Variants in ZNF433 observed in about 807,000 individuals in gnomAD.
ZNF433 encodes the protein zinc finger protein 433.
A neutral mutation model predicts 10.6 loss-of-function variants in ZNF433; 12 were observed. The ratio of observed to expected loss-of-function variants is 1.13; its 90% CI spans 0.72 to 1.83. The LOEUF (loss-of-function observed/expected upper bound fraction) is 1.83. ZNF433 is among the 40% of genes most tolerant of loss of function. The pLI is 0.00. For synonymous variants in ZNF433, 272 were observed against 271.3 expected (o/e 1.00, Z -0.02); for missense variants, 737 against 798.0 (o/e 0.92, Z 0.92).
intron 1 of ZNF433, 100 bp from the exon 2 acceptor site, chr19:12,018,392 A>C: frequency 7.2e-7 from 1 of 1,386,232 alleles, no homozygotes; most frequent in Non-Finnish European, 9.6e-7. Flanking sequence ...TGTGGACTCA[A>C]AACAATTATT....
intron 1 of ZNF433, chr19:12,025,998 A>C (rs1285518434): frequency 6.6e-6 from 1 of 152,398 alleles, no homozygotes; most frequent in African/African-American, 2.4e-5. Context: ...TATGCAACTG[A>C]ATCTAGAATT....
chr19:12,017,945 C>A lies in ZNF433; in HGVS notation c.131-9G>T. 6.4e-7 allele frequency: 1 copy of A among 1,565,216 alleles called. No homozygotes were observed. Among genetic ancestry groups the A allele is most frequent in the Non-Finnish European group, 8.6e-7 (1 of 1,158,652 alleles). Reference sequence around the variant, plus strand: ...GGGTTTCCATTTTTTCCCTACAACACACAACAAGGAAAATAATCTTGAATT... The same window carrying A: ...GGGTTTCCATTTTTTCCCTACAACAAACAACAAGGAAAATAATCTTGAATT... On this transcript the variant is annotated splice_polypyrimidine_tract_variant and intron_variant, in intron 2 of 3. Transcript: ENST00000550507.
chr19:12,016,408 A>G lies in ZNF433; in HGVS notation c.450T>C (p.Cys150=), dbSNP rs367931065. Residue 150 remains cysteine (C), a synonymous_variant, in exon 4 of 4, where the codon TGT becomes TGC. Coordinates refer to ENST00000550507, the MANE Select transcript of ZNF433 (RefSeq NM_001308348.2). The part of the protein sequence containing the change: ...KCKYCKKPFN[C]LSSVQTHERA... Reference sequence around the variant, plus strand: ...TTTCATGTGTCTGAACAGAGGAGAGACAGTTGAAAGGTTTTTTACAGTATT... The same window carrying G: ...TTTCATGTGTCTGAACAGAGGAGAGGCAGTTGAAAGGTTTTTTACAGTATT... 937 of 1,614,100 alleles carry G rather than the reference A, an allele frequency of 5.8e-4. 8 individuals carry two copies. The Middle Eastern group carries it at 0.018, about 32-fold the overall frequency.
At chr19:12,018,550 C>G (rs1005154780) in intron 1 of ZNF433, 6 of 300,476 alleles carry the variant, frequency 2.0e-5, no homozygotes, top group Non-Finnish European at 3.6e-5. Context: ...GCTGCCTGGG[C>G]TGCCCCTAAT....
At chr19:12,033,918 A>G (rs1252533876) in intron 1 of ZNF433, among the ~76,000 whole-genome samples, 1 of 152,240 alleles carries the variant, frequency 6.6e-6, no homozygotes, top group African/African-American at 2.4e-5. Flanking sequence ...AAATTTTAGT[A>G]TTGTACTGCA....
Position 12,017,908 on chromosome 19 carries a change from A to G in ZNF433, c.159T>C (p.Tyr53=), listed in dbSNP as rs1249591645. ...IGKKWKPQNI[Y]VEYENLRRNL... is the part of the protein sequence containing the mutation. ...TTCTCCTTAGATTTTCGTACTCTACATATATGTTCTGGGGTTTCCATTTTT... is the reference window on the plus strand; with the variant it reads ...TTCTCCTTAGATTTTCGTACTCTACGTATATGTTCTGGGGTTTCCATTTTT... The change falls in exon 3 of 4, where the codon TAT becomes TAC. Residue 53 remains tyrosine (Y), a synonymous_variant. Coordinates refer to ENST00000550507, the MANE Select transcript of ZNF433 (RefSeq NM_001308348.2). 6.3e-7 allele frequency: 1 copy of G among 1,594,752 alleles called. No homozygotes were observed. The highest frequency in any genetic ancestry group is 1.8e-5 in the Admixed American group (1 of 55,192).
At chr19:12,019,227 C>T (rs1185978468) in intron 1 of ZNF433, among the ~76,000 whole-genome samples, 1 of 151,664 alleles carries the variant, frequency 6.6e-6, no homozygotes, top group Admixed American at 6.6e-5. Flanking sequence ...TGGTGACCAG[C>T]CTGGCCAACA....
At position 12,016,142 on chromosome 19, in the gene ZNF433, C is replaced by G. The variant is rs750518345; in HGVS notation, c.716G>C (p.Arg239Pro). 6.2e-7 allele frequency: 1 copy of G among 1,613,912 alleles called. No individual in the cohort carries two copies. The highest frequency in any genetic ancestry group is 8.5e-7 in the Non-Finnish European group (1 of 1,179,968). ...GKAFSHSSSLRIHERTHTGEK... is the reference protein window; with the variant it reads ...GKAFSHSSSLPIHERTHTGEK... ...CCCAGTGTGAGTTCTTTCATGTATT[C>G]GAAGGCTACTAGAATGACTAAAGGC... The change falls in exon 4 of 4, where the codon CGA becomes CCA. Residue 239 changes from arginine (R) to proline (P), a missense_variant. Transcript: ENST00000550507.
Position 12,015,380 on chromosome 19 carries a change from T to G in ZNF433, c.1478A>C (p.His493Pro). 1 of 1,614,250 alleles carries G rather than the reference T, an allele frequency of 6.2e-7. No homozygotes were observed. The highest frequency in any genetic ancestry group is 8.5e-7 in the Non-Finnish European group (1 of 1,180,036). The change falls in exon 4 of 4, where the codon CAT becomes CCT. Residue 493 changes from histidine (H) to proline (P), a missense_variant. Coordinates refer to ENST00000550507, the MANE Select transcript of ZNF433 (RefSeq NM_001308348.2). ...TTTTCCTCCAGTGTGAGTCCTTTCA[T>G]GTCTATGAAATAAACTGGGCAAACT... Reference protein sequence around the residue: ...TFSLPSLFHRHERTHTGGKTY... With the variant: ...TFSLPSLFHRPERTHTGGKTY...
chr19:12,031,598 C>A (rs868777965), intron 1 of ZNF433, among the ~76,000 whole-genome samples: 2 of 151,910 alleles, frequency 1.3e-5, no homozygotes, highest in African/African-American at 2.4e-5. Flanking sequence ...GAGCCAAGAT[C>A]GTGCCACTGC....
chr19:12,015,449 CTG>C lies in ZNF433; in HGVS notation c.1407_1408del (p.His469GlnfsTer7). 6.2e-7 allele frequency: 1 copy of C among 1,613,964 alleles called. No homozygotes were observed. Among genetic ancestry groups the C allele is most frequent in the Non-Finnish European group, 8.5e-7 (1 of 1,179,928 alleles). On this transcript the variant is annotated frameshift_variant, in exon 4 of 4. Coordinates refer to ENST00000550507, the MANE Select transcript of ZNF433 (RefSeq NM_001308348.2). LOFTEE classifies it low-confidence loss of function (END_TRUNC). ...CTTACATTCATACGGCTTCTCTTCT[CTG>C]TGCATCCTTTCATGTATTTGAAAGA...
chr19:12,032,756 T>C (rs1170632381), intron 1 of ZNF433, among the ~76,000 whole-genome samples: 2 of 152,164 alleles, frequency 1.3e-5, no homozygotes, highest in Non-Finnish European at 2.9e-5. Flanking sequence ...AGTGCTGGGA[T>C]TACAGGTGTG....
At chr19:12,027,950 C>T (rs1289139098) in intron 1 of ZNF433, 2 of 152,202 alleles carry the variant, frequency 1.3e-5, no homozygotes, top group Non-Finnish European at 2.9e-5. Context: ...ATTCTACAAA[C>T]CATGTACTAA....
At chr19:12,018,118 A>G in intron 2 of ZNF433, 48 bp downstream of exon 2, 2 of 1,528,254 alleles carry the variant, frequency 1.3e-6, no homozygotes. Context: ...GAAAAAAAAA[A>G]AAACTTGTTG....
intron 1 of ZNF433, among the ~76,000 whole-genome samples, chr19:12,018,870 C>A (rs1467622688): frequency 6.6e-6 from 1 of 151,622 alleles, no homozygotes; most frequent in East Asian, 1.9e-4. Context: ...GCCTGGGCAA[C>A]AGAGTGAGAC....
Position 12,028,565 on chromosome 19 carries a change from ACT to A in ZNF433, c.3+6970_3+6971del, listed in dbSNP as rs1309117941. On this transcript the variant is annotated intron_variant, in intron 1 of 3. Coordinates refer to ENST00000550507, the MANE Select transcript of ZNF433 (RefSeq NM_001308348.2). ...AATATTTTTAGTTTCTAGAGTGGAA[ACT>A]CTGTGCAGAAATAACTATCAGTGCA... is the stretch of plus-strand genomic sequence containing the variant. Among the ~76,000 whole-genome samples, 17 of 152,346 alleles carry A rather than the reference ACT, an allele frequency of 1.1e-4. No individual in the cohort carries two copies. The East Asian group carries it at 3.1e-3, about 28-fold the overall frequency.
chr19:12,029,950 C>A (rs1304763865), intron 1 of ZNF433, among the ~76,000 whole-genome samples: 2 of 151,518 alleles, frequency 1.3e-5, no homozygotes, highest in African/African-American at 2.4e-5. Flanking sequence ...GGCACGGTAG[C>A]AGGCACCTGT....
At chr19:12,025,759 T>A (rs528192279) in intron 1 of ZNF433, 2 of 152,346 alleles carry the variant, frequency 1.3e-5, no homozygotes, top group East Asian at 3.9e-4. Context: ...AAACGTCACC[T>A]TTTGCAGTGT....
At chr19:12,032,617 G>T (rs988166369) in intron 1 of ZNF433, among the ~76,000 whole-genome samples, 6 of 151,808 alleles carry the variant, frequency 4.0e-5, no homozygotes, top group African/African-American at 1.2e-4. Flanking sequence ...CCTAGTAGTT[G>T]GGATTATAGG....
Sources: allele counts gnomAD v4.1 joint callset (sites outside exome capture counted in the v4.1 genomes callset), GRCh38; gene constraint gnomAD v4.1.1; transcripts MANE v1.5; gene names NCBI Gene and HGNC (gene_info 2026-07-23, HGNC 2026-07-21).